The following FRMD4A variants were observed in gnomAD, a reference collection of about 807,000 sequenced individuals.
The protein encoded by FRMD4A is FERM domain-containing protein 4A.
FRMD4A carries 29 observed loss-of-function variants against 129.1 expected under a neutral mutation model. The observed-to-expected ratio is 0.22, with a 90% CI of 0.17 to 0.31. FRMD4A has a LOEUF of 0.31. Among genes scored for constraint, FRMD4A ranks in the 10% least tolerant of loss-of-function variants. FRMD4A has a pLI of 1.00. For synonymous variants in FRMD4A, 634 were observed against 571.6 expected (o/e 1.11, Z -1.56); for missense variants, 1,272 against 1,375.8 (o/e 0.92, Z 1.19).
chr10:14,208,363 G>C (rs182700060), intron 2 of FRMD4A, among the ~76,000 whole-genome samples: 100 of 152,232 alleles, frequency 6.6e-4, no homozygotes, highest in Non-Finnish European at 1.3e-3. Flanking sequence ...TCTCTGGGGA[G>C]GGCTGTCCTC....
intron 9 of FRMD4A, among the ~76,000 whole-genome samples, chr10:13,747,016 A>G (rs1465837156): frequency 6.6e-6 from 1 of 152,174 alleles, no homozygotes; most frequent in Non-Finnish European, 1.5e-5. Flanking sequence ...CCCTCTTCTG[A>G]AAGAAGAAAA....
chr10:13,667,132 G>T (rs887865093), intron 17 of FRMD4A, among the ~76,000 whole-genome samples: 1 of 152,072 alleles, frequency 6.6e-6, no homozygotes, highest in Admixed American at 6.5e-5. Context: ...GGCTGGTCTC[G>T]AACTCCTGAC....
intron 2 of FRMD4A, among the ~76,000 whole-genome samples, chr10:14,070,165 A>G (rs1835252871): frequency 6.6e-6 from 1 of 152,036 alleles, no homozygotes; most frequent in Non-Finnish European, 1.5e-5. Flanking sequence ...CCTCTCTCTG[A>G]GTGCTATGAC....
At chr10:14,115,536 G>T (rs151254572) in intron 2 of FRMD4A, among the ~76,000 whole-genome samples, 1 of 152,160 alleles carries the variant, frequency 6.6e-6, no homozygotes, top group Non-Finnish European at 1.5e-5. Flanking sequence ...TTAATCTCAT[G>T]TGGAAATGTG....
chr10:14,020,660 G>A (rs1186497692), intron 2 of FRMD4A, among the ~76,000 whole-genome samples: 1 of 150,642 alleles, frequency 6.6e-6, no homozygotes, highest in African/African-American at 2.5e-5. Context: ...AAAAAAGGCA[G>A]CCCCAATTTT....
chr10:14,246,732 C>T (rs904329009), intron 2 of FRMD4A, among the ~76,000 whole-genome samples: 4 of 152,080 alleles, frequency 2.6e-5, no homozygotes, highest in Non-Finnish European at 5.9e-5. Flanking sequence ...CCCCAAAGGA[C>T]GTTGTGGCGC....
rs145703791 is a variant in FRMD4A at position 13,920,189 on chromosome 10, C to T, written c.46-61277G>A. Among the ~76,000 whole-genome samples the T allele has an allele frequency of 3.7e-4, 56 of 152,254 alleles. 1 individual carries two copies. The highest frequency in any genetic ancestry group is 6.5e-4 in the Admixed American group (10 of 15,286). On this transcript the variant is annotated intron_variant, in intron 2 of 24. Transcript: ENST00000357447. ...ATCACAGAGCCACTCCAAATCTTTACGAAACCAGTTAGATGGAACAAAAAG... is the reference window on the plus strand; with the variant it reads ...ATCACAGAGCCACTCCAAATCTTTATGAAACCAGTTAGATGGAACAAAAAG...
At chr10:14,291,997 G>A (rs1310629508) in intron 2 of FRMD4A, among the ~76,000 whole-genome samples, 1 of 152,020 alleles carries the variant, frequency 6.6e-6, no homozygotes, top group Non-Finnish European at 1.5e-5. Flanking sequence ...ATAAATCTAA[G>A]TACATATAGG....
At chr10:14,231,506 C>A (rs1343715162) in intron 2 of FRMD4A, among the ~76,000 whole-genome samples, 3 of 152,156 alleles carry the variant, frequency 2.0e-5, no homozygotes, top group Non-Finnish European at 4.4e-5. Flanking sequence ...CCACGCCCGG[C>A]TAATTTTTGT....
At position 13,744,656 on chromosome 10, in the gene FRMD4A, G is replaced by A. The variant is rs538330005; in HGVS notation, c.548+3080C>T. ...CCTGCAGGTTGCCCATCCAATGTGC[G>A]AACTCCAGCGGGGGCAGGAAAGCCC... On this transcript the variant is annotated intron_variant, in intron 9 of 24. Coordinates refer to ENST00000357447, the MANE Select transcript of FRMD4A (RefSeq NM_018027.5). 13 of 152,328 alleles carry A rather than the reference G, an allele frequency of 8.5e-5. No homozygotes were observed. In the South Asian group the frequency reaches 2.5e-3, roughly 29 times the overall value. 9.4% of individuals were successfully genotyped at this position (152,328 alleles called of 1,614,324 possible).
intron 23 of FRMD4A, chr10:13,654,037 T>G (rs977930438): frequency 9.9e-6 from 4 of 404,724 alleles, no homozygotes; most frequent in African/African-American, 8.4e-5. Context: ...ATTTGCTGTC[T>G]TCATCAGCTC....
chr10:14,187,590 G>A (rs1246809992), intron 2 of FRMD4A, among the ~76,000 whole-genome samples: 2 of 152,234 alleles, frequency 1.3e-5, no homozygotes, highest in African/African-American at 4.8e-5. Context: ...TGGCTGGGAG[G>A]GCAACATAGT....
At chr10:14,093,579 C>T (rs567824267) in intron 2 of FRMD4A, among the ~76,000 whole-genome samples, 19 of 152,234 alleles carry the variant, frequency 1.2e-4, no homozygotes, top group African/African-American at 4.3e-4. Context: ...AAGGCTTTGA[C>T]GGGATGAGTG....
intron 2 of FRMD4A, among the ~76,000 whole-genome samples, chr10:14,094,837 T>C (rs789764): frequency 0.059 from 8,985 of 152,210 alleles, 879 homozygotes; most frequent in African/African-American, 0.2. Context: ...CATTGGCCCA[T>C]GTGTGTGTAT....
intron 2 of FRMD4A, among the ~76,000 whole-genome samples, chr10:13,955,041 G>A (rs546363202): frequency 6.6e-6 from 1 of 150,734 alleles, no homozygotes; most frequent in Non-Finnish European, 1.5e-5. Flanking sequence ...TACTAACAAA[G>A]CATACCTCAT....
At chr10:13,795,382 G>C (rs997675514) in intron 5 of FRMD4A, among the ~76,000 whole-genome samples, 1 of 152,172 alleles carries the variant, frequency 6.6e-6, no homozygotes, top group Non-Finnish European at 1.5e-5. Flanking sequence ...CGCATTAAGC[G>C]CAAGTTGAAA....
rs189698149 is a variant in FRMD4A at position 13,760,515 on chromosome 10, T to A, written c.464+1132A>T. 2.2e-3 allele frequency among the ~76,000 whole-genome samples: 331 copies of A among 152,002 alleles called. 2 individuals carry two copies. The highest frequency in any genetic ancestry group is 7.0e-3 in the African/African-American group (289 of 41,440). On this transcript the variant is annotated intron_variant, in intron 8 of 24. Transcript: ENST00000357447. ...GCCTGGGTAACAGAAGGAGACCTTG[T>A]CTCTGAAAAAAATTAAAAAATAATA...
chr10:14,243,364 C>T (rs558462623), intron 2 of FRMD4A, among the ~76,000 whole-genome samples: 1 of 152,256 alleles, frequency 6.6e-6, no homozygotes, highest in South Asian at 2.1e-4. Context: ...ACAGTTCCTC[C>T]TTCAAATGCT....
intron 2 of FRMD4A, among the ~76,000 whole-genome samples, chr10:13,958,562 C>T (rs1317500274): frequency 1.3e-5 from 2 of 150,658 alleles, no homozygotes; most frequent in Non-Finnish European, 2.9e-5. Flanking sequence ...GGATTACAGG[C>T]GTGAGCCACC....
Sources: gnomAD v4.1 joint callset for allele counts (sites outside exome capture counted in the v4.1 genomes callset) on GRCh38, gnomAD v4.1.1 for gene constraint, MANE v1.5 for transcripts, NCBI Gene and HGNC (gene_info 2026-07-23, HGNC 2026-07-21) for gene names.